The following CDC14B variants were observed in gnomAD, a reference collection of about 807,000 sequenced individuals.
The protein encoded by CDC14B is dual specificity protein phosphatase CDC14B.
In CDC14B, 22 loss-of-function variants were observed where a neutral mutation model predicts 64.2. The ratio of observed to expected loss-of-function variants is 0.34; its 90% CI spans 0.24 to 0.49. The LOEUF is 0.49. CDC14B is among the 20% of genes least tolerant of loss of function. The pLI is 0.99. For synonymous variants in CDC14B, 191 were observed against 215.8 expected (o/e 0.89, Z 1.01); for missense variants, 498 against 629.9 (o/e 0.79, Z 2.24).
At chr9:96,593,582 T>C (rs1219883783) in intron 1 of CDC14B, among the ~76,000 whole-genome samples, 2 of 152,008 alleles carry the variant, frequency 1.3e-5, no homozygotes, top group African/African-American at 4.8e-5. Flanking sequence ...TATAAATAAT[T>C]AACAGGATTT....
chr9:96,530,364 C>T (rs1291551556), intron 9 of CDC14B, among the ~76,000 whole-genome samples: 1 of 150,708 alleles, frequency 6.6e-6, no homozygotes, highest in Non-Finnish European at 1.5e-5. Flanking sequence ...GAGATCTCAG[C>T]TCACTGCAAC....
At chr9:96,506,820 C>T (rs1019618190) in intron 13 of CDC14B, among the ~76,000 whole-genome samples, 9 of 152,138 alleles carry the variant, frequency 5.9e-5, no homozygotes, top group Non-Finnish European at 1.0e-4. Context: ...GACATGAAAA[C>T]GCAACGAGAC....
At chr9:96,570,856 G>C (rs1217638220) in intron 1 of CDC14B, among the ~76,000 whole-genome samples, 3 of 152,202 alleles carry the variant, frequency 2.0e-5, no homozygotes, top group South Asian at 2.1e-4. Flanking sequence ...GGAAGTGGCA[G>C]AATTGGGATT....
intron 7 of CDC14B, among the ~76,000 whole-genome samples, chr9:96,536,744 A>T (rs1839326155): frequency 6.6e-6 from 1 of 152,184 alleles, no homozygotes; most frequent in Non-Finnish European, 1.5e-5. Flanking sequence ...CTGTTTGAGG[A>T]ATCATCTCCC....
At chr9:96,572,591 G>A (rs926431406) in intron 1 of CDC14B, among the ~76,000 whole-genome samples, 1 of 151,920 alleles carries the variant, frequency 6.6e-6, no homozygotes, top group African/African-American at 2.4e-5. Flanking sequence ...ACTCAATTCA[G>A]AAAAGAAATA....
Position 96,534,153 on chromosome 9 carries a change from G to A in CDC14B, c.720C>T (p.Tyr240=), listed in dbSNP as rs1345025455. The change falls in exon 9 of 14, where the codon TAC becomes TAT. Residue 240 remains tyrosine (Y), a synonymous_variant. Transcript: ENST00000375241. ...TATAAGTCTCAGGAGAATGTTGGTG[G>A]TAACCTACATAAAGAAATGCACCAG... ...PHSRARLESG[Y]HQHSPETYIQ... 2 of 1,567,402 alleles carry A rather than the reference G, an allele frequency of 1.3e-6. No homozygotes were observed. The highest frequency in any genetic ancestry group is 1.8e-6 in the Non-Finnish European group (2 of 1,142,220).
chr9:96,575,433 T>C (rs1462156260), intron 1 of CDC14B, among the ~76,000 whole-genome samples: 18 of 152,202 alleles, frequency 1.2e-4, no homozygotes, highest in Admixed American at 1.1e-3. Context: ...TTAGTCTCCA[T>C]ACTCATTTGT....
At chr9:96,534,913 TC>T (rs1036902289) in intron 7 of CDC14B, among the ~76,000 whole-genome samples, 5 of 152,142 alleles carry the variant, frequency 3.3e-5, no homozygotes, top group African/African-American at 9.7e-5. Context: ...TCTGGGAACT[TC>T]CCTGTTTTCC....
At chr9:96,517,736 G>A (rs1202374033) in intron 12 of CDC14B, among the ~76,000 whole-genome samples, 1 of 150,726 alleles carries the variant, frequency 6.6e-6, no homozygotes, top group Non-Finnish European at 1.5e-5. Flanking sequence ...CGTTATCATA[G>A]TTCACTGTAA....
At chr9:96,553,197 G>A (rs1217467517) in intron 4 of CDC14B, among the ~76,000 whole-genome samples, 1 of 152,062 alleles carries the variant, frequency 6.6e-6, no homozygotes, top group Non-Finnish European at 1.5e-5. Flanking sequence ...AAAGTTCAAA[G>A]ATCCAGCAAG....
chr9:96,529,917 A>C (rs991364079), intron 9 of CDC14B, among the ~76,000 whole-genome samples: 1 of 152,146 alleles, frequency 6.6e-6, no homozygotes, highest in Admixed American at 6.5e-5. Context: ...CTATTTTTGC[A>C]AGAAATGTTG....
chr9:96,530,480 G>A (rs1300228002), intron 9 of CDC14B, among the ~76,000 whole-genome samples: 3 of 143,248 alleles, frequency 2.1e-5, no homozygotes, highest in South Asian at 2.2e-4. Flanking sequence ...GGGTTTCACC[G>A]TGTTGCCCAG....
chr9:96,604,528 G>A (rs939198971), intron 1 of CDC14B, among the ~76,000 whole-genome samples: 1 of 151,496 alleles, frequency 6.6e-6, no homozygotes, highest in Non-Finnish European at 1.5e-5. Context: ...TTACAGGCAT[G>A]CGCCACCACG....
intron 13 of CDC14B, among the ~76,000 whole-genome samples, chr9:96,494,259 G>A (rs1216069466): frequency 6.6e-6 from 1 of 152,246 alleles, no homozygotes; most frequent in Non-Finnish European, 1.5e-5. Context: ...CTTGGGCAAA[G>A]CTGTTAGGAG....
At chr9:96,573,755 A>G (rs576424378) in intron 1 of CDC14B, among the ~76,000 whole-genome samples, 7 of 152,316 alleles carry the variant, frequency 4.6e-5, no homozygotes, top group Non-Finnish European at 8.8e-5. Flanking sequence ...TAATAAATTT[A>G]CATGTTACAT....
rs1341223925 is a variant in CDC14B, at chr9:96,541,839, T to A, written c.551A>T (p.His184Leu). 2 of 1,606,254 alleles carry A rather than the reference T, an allele frequency of 1.2e-6. No homozygotes were observed. Among genetic ancestry groups the A allele is most frequent in the African/African-American group, 1.3e-5 (1 of 74,972 alleles). ...CATGTCACTCACCTTCTTTACTGCA[T>A]GAAAACAGTCAAGAAGTGTAATGTA... ...NFYITLLDCF[H>L]AVKKAMQYGF... The change falls in exon 6 of 14, where the codon CAT becomes CTT. Residue 184 changes from histidine to leucine, a missense_variant. His to Leu is a moderately conservative substitution (Grantham distance 99). Coordinates refer to ENST00000375241, the MANE Select transcript of CDC14B (RefSeq NM_033331.4).
intron 1 of CDC14B, among the ~76,000 whole-genome samples, chr9:96,601,361 G>T (rs533338311): frequency 1.3e-5 from 2 of 152,192 alleles, no homozygotes; most frequent in African/African-American, 4.8e-5. Context: ...GTTGGGCATG[G>T]TGGTGTGCGC....
intron 12 of CDC14B, among the ~76,000 whole-genome samples, chr9:96,518,586 T>C (rs1164382432): frequency 6.6e-6 from 1 of 152,066 alleles, no homozygotes; most frequent in Non-Finnish European, 1.5e-5. Context: ...GAACTCGAAA[T>C]ACAGCCTAAC....
chr9:96,519,311 G>C (rs1836277354), intron 12 of CDC14B, among the ~76,000 whole-genome samples: 3 of 152,138 alleles, frequency 2.0e-5, no homozygotes, highest in African/African-American at 7.2e-5. Context: ...ATCACGTCCT[G>C]AAGATCAGCT....
Sources: gnomAD v4.1 joint callset for allele counts (sites outside exome capture counted in the v4.1 genomes callset) on GRCh38, gnomAD v4.1.1 for gene constraint, MANE v1.5 for transcripts, NCBI Gene and HGNC (gene_info 2026-07-23, HGNC 2026-07-21) for gene names.